IL5RA: variants seen among roughly 807,000 people sequenced by gnomAD.
IL5RA encodes interleukin 5 receptor subunit alpha, also known as interleukin-5 receptor subunit alpha.
A neutral mutation model predicts 50.0 loss-of-function variants in IL5RA; 49 were observed. The observed-to-expected ratio is 0.98, with a 90% CI of 0.78 to 1.24. The LOEUF is 1.24. Ranked by LOEUF, IL5RA falls within the 50% of genes most tolerant of loss-of-function variation. The pLI is 0.00. For missense variants in IL5RA, 600 were observed against 500.4 expected, an observed-to-expected ratio of 1.20 and a Z score of -1.90; for synonymous variants, 202 against 174.0, an observed-to-expected ratio of 1.16 and a Z score of -1.26.
chr3:3,070,130 T>A lies in IL5RA; in HGVS notation c.*95A>T. On this transcript the variant is annotated 3_prime_UTR_variant, in exon 12 of 12. Coordinates refer to ENST00000446632, the MANE Select transcript of IL5RA (RefSeq NM_175726.4). ...GCAGGTAAATTGAGTGTTGCCTAAA[T>A]TCTGAACACCTCTTAGCCAAGAGCC... 1 of 777,380 alleles carries A rather than the reference T, an allele frequency of 1.3e-6. No homozygotes were observed. 48.2% of individuals were successfully genotyped at this position (777,380 alleles called of 1,614,324 possible).
At position 3,074,880 on chromosome 3, in the gene IL5RA, A is replaced by G; in HGVS notation, c.1092-14T>C. On this transcript the variant is annotated splice_polypyrimidine_tract_variant and intron_variant, in intron 10 of 11. Coordinates refer to ENST00000446632, the MANE Select transcript of IL5RA (RefSeq NM_175726.4). ...CATAAATGACATCTGAAAACAGAGT[A>G]AAGAAGGAATTAGGTGAGCATGAGT... 2 of 1,547,082 alleles carry G rather than the reference A, an allele frequency of 1.3e-6. 1 individual carries two copies. Among genetic ancestry groups the G allele is most frequent in the South Asian group, 2.2e-5 (2 of 89,432 alleles).
intron 2 of IL5RA, among the ~76,000 whole-genome samples, chr3:3,107,122 A>G (rs751858130): frequency 2.5e-4 from 38 of 152,152 alleles, no homozygotes; most frequent in Admixed American, 6.6e-5. Flanking sequence ...GTTTTTGGCC[A>G]TAAATAAATA....
intron 7 of IL5RA, among the ~76,000 whole-genome samples, chr3:3,096,240 T>C (rs949529988): frequency 4.7e-5 from 7 of 149,634 alleles, no homozygotes; most frequent in African/African-American, 1.7e-4. Flanking sequence ...ATCGCGCCAC[T>C]GCACTCCAAC....
intron 11 of IL5RA, among the ~76,000 whole-genome samples, chr3:3,072,171 G>T (rs1194661659): frequency 6.6e-6 from 1 of 152,240 alleles, no homozygotes; most frequent in Non-Finnish European, 1.5e-5. Context: ...ACGGCCTCAT[G>T]GGGCCCAGCT....
chr3:3,076,318 G>A (rs1702481003), intron 10 of IL5RA, among the ~76,000 whole-genome samples: 1 of 109,076 alleles, frequency 9.2e-6, no homozygotes, highest in African/African-American at 3.8e-5. Flanking sequence ...GCTGAGGGCT[G>A]CATTGTGTGC....
chr3:3,097,770 A>G (rs1429970898), intron 7 of IL5RA, 100 bp downstream of exon 7: 12 of 1,275,906 alleles, frequency 9.4e-6, no homozygotes, highest in Admixed American at 2.5e-5. Flanking sequence ...CTTACTTGGC[A>G]TCAGAGAAGC....
rs17878612 is a variant in IL5RA at position 3,096,592 on chromosome 3, A to C, written c.710-1148T>G. Among the ~76,000 whole-genome samples, 5 of 152,316 alleles carry C rather than the reference A, an allele frequency of 3.3e-5. 1 individual carries two copies. The South Asian group carries it at 1.0e-3, about 32-fold the overall frequency. The stretch of plus-strand genomic sequence containing the variant: ...AATCAGCCTCAATAAAATGAAAATC[A>C]TAAAAGAAAAATGAATTCCTGTGGT... On this transcript the variant is annotated intron_variant, in intron 7 of 11. Coordinates refer to ENST00000446632, the MANE Select transcript of IL5RA (RefSeq NM_175726.4).
chr3:3,106,614 A>T (rs925891916), intron 2 of IL5RA, among the ~76,000 whole-genome samples: 7 of 152,166 alleles, frequency 4.6e-5, no homozygotes, highest in African/African-American at 1.4e-4. Context: ...TAATTTTTTT[A>T]AAATTTTCAA....
rs988986148 is a variant in IL5RA, at chr3:3,069,553, A to G, written c.*672T>C. The G allele has an allele frequency of 6.6e-6, 1 of 152,050 alleles. No homozygotes were observed. Among genetic ancestry groups the G allele is most frequent in the African/African-American group, 2.4e-5 (1 of 41,382 alleles). 9.4% of individuals were successfully genotyped at this position (152,050 alleles called of 1,614,324 possible). On this transcript the variant is annotated 3_prime_UTR_variant, in exon 12 of 12. Transcript: ENST00000446632. ...CGTCTCTTTTGATATGGGGTGATAT[A>G]TTAGCTCTATTATGCTTTTAAATTA... is the stretch of plus-strand genomic sequence containing the variant.
rs1703836310 is a variant in IL5RA, at chr3:3,104,942, T to C, written c.43A>G (p.Thr15Ala). 2.5e-6 allele frequency: 4 copies of C among 1,613,232 alleles called. No homozygotes were observed. Among genetic ancestry groups the C allele is most frequent in the Non-Finnish European group, 3.4e-6 (4 of 1,179,268 alleles). The change falls in exon 3 of 12, where the codon ACT (threonine) becomes GCT (alanine). Residue 15 changes from threonine (T) to alanine (A), a missense_variant. By Grantham distance (58) the Thr-to-Ala change is moderately conservative (BLOSUM62 0). Coordinates refer to ENST00000446632, the MANE Select transcript of IL5RA (RefSeq NM_175726.4). Reference protein sequence around the residue: ...AHVLLILLGATEILQADLLPD... With the variant: ...AHVLLILLGAAEILQADLLPD... ...AGTAAGTCAGCTTGCAGTATCTCAG[T>C]GGCCCCCAAAAGGATGAGTAATACA...
At chr3:3,082,312 C>G (rs1353969380) in intron 9 of IL5RA, among the ~76,000 whole-genome samples, 1 of 152,222 alleles carries the variant, frequency 6.6e-6, no homozygotes, top group Non-Finnish European at 1.5e-5. Flanking sequence ...TCTGCTCTGA[C>G]TCAAGGAGAA....
intron 9 of IL5RA, among the ~76,000 whole-genome samples, chr3:3,077,227 T>C (rs1218399058): frequency 6.6e-6 from 1 of 152,222 alleles, no homozygotes. Context: ...AGAAAGTCAG[T>C]ATTTTGTATG....
chr3:3,084,038 T>G (rs1702761478), intron 9 of IL5RA, among the ~76,000 whole-genome samples: 1 of 131,036 alleles, frequency 7.6e-6, no homozygotes. Flanking sequence ...GGTGAGAGAG[T>G]GAGACTCCAT....
At position 3,102,692 on chromosome 3, in the gene IL5RA, C is replaced by T. The variant is rs762399985; in HGVS notation, c.211G>A (p.Ala71Thr). The change falls in exon 4 of 12, where the codon GCT (alanine) becomes ACT (threonine). Residue 71 changes from alanine to threonine, a missense_variant. Physicochemically the swap from Ala to Thr is moderately conservative, Grantham distance 58. Transcript: ENST00000446632. ...VNLEYQVKIN[A>T]PKEDDYETRI... ...ACACTTACGTCATCTTCTTTTGGAG[C>T]GTTTATTTTCACTTGATATTCTAGA... is the stretch of plus-strand genomic sequence containing the variant. 5.6e-6 allele frequency: 9 copies of T among 1,595,584 alleles called. No homozygotes were observed. The highest frequency in any genetic ancestry group is 2.3e-5 in the East Asian group (1 of 44,298).
At position 3,109,962 on chromosome 3, in the gene IL5RA, A is replaced by G. The variant is rs1383856007; in HGVS notation, c.-163T>C. On this transcript the variant is annotated 5_prime_UTR_variant, in exon 1 of 12. An upstream start codon of the reference 5' UTR is lost. Coordinates refer to ENST00000446632, the MANE Select transcript of IL5RA (RefSeq NM_175726.4). ...CCACTTACTGAGAAATGCGGTGGCC[A>G]TGCGATGAGAAGCAGCGGCAGGGCA... 6.6e-6 allele frequency: 1 copy of G among 152,232 alleles called. No homozygotes were observed. The highest frequency in any genetic ancestry group is 1.5e-5 in the Non-Finnish European group (1 of 68,054). The allele number at this position is 152,232 out of a possible 1,614,324, so 9.4% of individuals were successfully genotyped here. A position where few individuals can be genotyped will look rare whatever the true frequency, so the allele number is the denominator to read the frequency against.
intron 2 of IL5RA, 54 bp from the exon 3 acceptor site, chr3:3,105,041 A>T (rs1575012295): frequency 6.3e-6 from 7 of 1,117,344 alleles, no homozygotes; most frequent in Admixed American, 1.8e-5. Context: ...TTTAAGAAAA[A>T]CTGATAGCTG....
At chr3:3,099,177 C>T (rs1415714749) in intron 5 of IL5RA, among the ~76,000 whole-genome samples, 3 of 152,162 alleles carry the variant, frequency 2.0e-5, no homozygotes, top group East Asian at 1.9e-4. Context: ...TGTTAAAGTC[C>T]TCTTTAATAT....
intron 11 of IL5RA, among the ~76,000 whole-genome samples, chr3:3,072,688 G>C (rs1296929851): frequency 1.3e-5 from 2 of 152,200 alleles, no homozygotes; most frequent in African/African-American, 4.8e-5. Context: ...GGGAAGGCTG[G>C]ATCACTTGAG....
intron 10 of IL5RA, 80 bp downstream of exon 10, chr3:3,076,451 G>T: frequency 1.1e-6 from 1 of 888,146 alleles, no homozygotes; most frequent in Non-Finnish European, 1.8e-6. Context: ...AGAACCCTCT[G>T]CCTACCGGAT....
Sources: gnomAD v4.1 joint callset for allele counts (sites outside exome capture counted in the v4.1 genomes callset) on GRCh38, gnomAD v4.1.1 for gene constraint, MANE v1.5 for transcripts, NCBI Gene and HGNC (gene_info 2026-07-23, HGNC 2026-07-21) for gene names.